Variants in EHMT1 observed in about 807,000 individuals in gnomAD.
EHMT1 encodes euchromatic histone lysine methyltransferase 1.
In EHMT1, 15 loss-of-function variants were observed where a neutral mutation model predicts 147.2. The ratio of observed to expected loss-of-function variants is 0.10; its 90% CI spans 0.07 to 0.16. The LOEUF (loss-of-function observed/expected upper bound fraction) is 0.16, where lower values mean the gene tolerates loss of function less well. Among genes scored for constraint, EHMT1 ranks in the 10% least tolerant of loss-of-function variants. The probability of loss-of-function intolerance (pLI) is 1.00; values close to 1 mark genes in which losing one functional copy is unlikely to be tolerated. For missense variants in EHMT1, 1,587 were observed against 1,772.4 expected (o/e 0.90, Z 1.88); for synonymous variants, 795 against 709.6 (o/e 1.12, Z -1.91).
chr9:137,752,214 G>T (rs1949026153), intron 6 of EHMT1, 117 bp from the exon 7 acceptor site: 1 of 1,253,510 alleles, frequency 8.0e-7, no homozygotes, highest in Non-Finnish European at 1.1e-6. Flanking sequence ...AGCGTCTCCG[G>T]CGTGTGCGGC....
chr9:137,834,709 T>C (rs1483521584), intron 26 of EHMT1, 64 bp from the exon 27 acceptor site: 2 of 1,611,838 alleles, frequency 1.2e-6, no homozygotes, highest in Non-Finnish European at 1.7e-6. Context: ...TGCCTTAATT[T>C]ATCTGGCTTG....
intron 4 of EHMT1, among the ~76,000 whole-genome samples, chr9:137,735,872 C>T (rs557030723): frequency 2.0e-5 from 3 of 152,220 alleles, no homozygotes; most frequent in Non-Finnish European, 2.9e-5. Flanking sequence ...CATGCCTGCT[C>T]CCTTTCCAAT....
chr9:137,734,548 A>T (rs976891888), intron 4 of EHMT1, among the ~76,000 whole-genome samples: 12 of 152,240 alleles, frequency 7.9e-5, no homozygotes, highest in African/African-American at 2.2e-4. Context: ...AGAAGAGAGT[A>T]AGAAAAGGGT....
At position 137,776,917 on chromosome 9, in the gene EHMT1, A is replaced by G; in HGVS notation, c.2018+73A>G. ...AAGTTTCAGTTGTTAACTCAACGTT[A>G]TTGCTTCCTGCTGTTTTTTCCAGAA... On this transcript the variant is annotated intron_variant, in intron 12 of 26. Transcript: ENST00000460843. The surrounding 1 kb of genome is among the most constrained non-coding windows in gnomAD (Gnocchi z 4.4). The G allele has an allele frequency of 7.1e-7, 1 of 1,405,166 alleles. No individual in the cohort carries two copies. Among genetic ancestry groups the G allele is most frequent in the Non-Finnish European group, 9.9e-7 (1 of 1,010,590 alleles). The allele number at this position is 1,405,166 out of a possible 1,614,324, so 87.0% of individuals were successfully genotyped here.
chr9:137,739,377 A>C (rs563209410), intron 4 of EHMT1, among the ~76,000 whole-genome samples: 1 of 152,032 alleles, frequency 6.6e-6, no homozygotes. Context: ...AAAAAGAAAG[A>C]AAAAGTAAAC....
At chr9:137,773,169 C>T (rs1372244608) in intron 10 of EHMT1, among the ~76,000 whole-genome samples, 3 of 152,176 alleles carry the variant, frequency 2.0e-5, no homozygotes, top group Non-Finnish European at 4.4e-5. Flanking sequence ...TGTATGTTCT[C>T]CTAGACTTCT....
chr9:137,733,662 T>G (rs1695284311), intron 4 of EHMT1, among the ~76,000 whole-genome samples: 1 of 152,178 alleles, frequency 6.6e-6, no homozygotes, highest in Non-Finnish European at 1.5e-5. Context: ...TGTCCCCAGG[T>G]GCATACAGAG....
At chr9:137,669,220 C>G (rs960985494) in intron 1 of EHMT1, among the ~76,000 whole-genome samples, 1 of 151,988 alleles carries the variant, frequency 6.6e-6, no homozygotes, top group African/African-American at 2.4e-5. Context: ...CTTCATGTCT[C>G]GTCTTCCCTC....
In EHMT1 at chr9:137,814,383, G is replaced by A. The variant is rs757214359; in HGVS notation, c.3181-48G>A. The A allele has an allele frequency of 1.9e-6, 3 of 1,591,740 alleles. No individual in the cohort carries two copies. In the South Asian group the frequency reaches 3.3e-5, roughly 18 times the overall value. Reference sequence around the variant, plus strand: ...CGTAGTTGTGACTGGGAGGGGAAATGGAAGGCCTGTGCCTGCACGTCTGAC... The same window carrying A: ...CGTAGTTGTGACTGGGAGGGGAAATAGAAGGCCTGTGCCTGCACGTCTGAC... On this transcript the variant is annotated intron_variant, in intron 21 of 26. Transcript: ENST00000460843.
intron 1 of EHMT1, among the ~76,000 whole-genome samples, chr9:137,650,168 A>G (rs530595654): frequency 1.3e-5 from 2 of 152,214 alleles, no homozygotes; most frequent in African/African-American, 4.8e-5. Context: ...GTGCAGTCAC[A>G]GCTCACTGCA....
intron 1 of EHMT1, among the ~76,000 whole-genome samples, chr9:137,623,217 A>G (rs995517161): frequency 4.5e-4 from 68 of 151,628 alleles, no homozygotes; most frequent in Non-Finnish European, 7.8e-4. Flanking sequence ...CGTCTCAAAA[A>G]AAAAAAAAAG....
Position 137,782,447 on chromosome 9 carries a change from T to C in EHMT1, c.2382+50T>C, listed in dbSNP as rs1329313056. 6.6e-7 allele frequency: 1 copy of C among 1,511,368 alleles called. No individual in the cohort carries two copies. The highest frequency in any genetic ancestry group is 1.9e-5 in the Admixed American group (1 of 53,184). 93.6% of individuals were successfully genotyped at this position (1,511,368 alleles called of 1,614,324 possible). ...GGGCTCTTCACCTGCTCTCTTTTAT[T>C]TTTACCAAAGTAAAATCATACCACG... On this transcript the variant is annotated intron_variant, in intron 15 of 26. Transcript: ENST00000460843. This position sits in a 1 kb window ranked among gnomAD's most constrained non-coding sequence, Gnocchi z 5.7.
Position 137,716,723 on chromosome 9 carries a change from C to G in EHMT1, c.183C>G (p.Ser61Arg). Residue 61 changes from serine to arginine, a missense_variant, in exon 3 of 27, where the codon AGC (serine) becomes AGG (arginine). Physicochemically the swap from Ser to Arg is moderately radical, Grantham distance 110 (BLOSUM62 -1). Coordinates refer to ENST00000460843, the MANE Select transcript of EHMT1 (RefSeq NM_024757.5). ...AGACCAATGGGTCTTGTGAAAACAGCGATGCCAGCAGTCATGCAAATGCTG... is the reference window on the plus strand; with the variant it reads ...AGACCAATGGGTCTTGTGAAAACAGGGATGCCAGCAGTCATGCAAATGCTG... ...DGETNGSCEN[S>R]DASSHANAAK... 6.2e-7 allele frequency: 1 copy of G among 1,611,946 alleles called. No homozygotes were observed. Among genetic ancestry groups the G allele is most frequent in the Non-Finnish European group, 8.5e-7 (1 of 1,179,008 alleles).
At chr9:137,621,726 T>G (rs995182063) in intron 1 of EHMT1, among the ~76,000 whole-genome samples, 2 of 152,226 alleles carry the variant, frequency 1.3e-5, no homozygotes, top group African/African-American at 2.4e-5. Context: ...CCAGGGTCAC[T>G]GAGGATCAGA....
chr9:137,754,415 A>G, intron 8 of EHMT1, 124 bp downstream of exon 8: 10 of 1,360,184 alleles, frequency 7.4e-6, no homozygotes, highest in Non-Finnish European at 9.9e-6. Context: ...GTTTAAAAAA[A>G]ATGTTTGAAA....
chr9:137,812,478 C>T (rs1235059444), intron 19 of EHMT1, among the ~76,000 whole-genome samples: 2 of 152,230 alleles, frequency 1.3e-5, no homozygotes, highest in Non-Finnish European at 2.9e-5. Context: ...GCTCCAGGCA[C>T]CAGCCTCCAG....
rs560051077 is a variant in EHMT1 at position 137,682,684 on chromosome 9, G to A, written c.22-28283G>A. On this transcript the variant is annotated intron_variant, in intron 1 of 26. Transcript: ENST00000460843. Reference sequence around the variant, plus strand: ...AGGAGCTTGGAGAGGCTTTACTTCTGTGTGCCGCCTTCCCCGTGGGCGGTG... The same window carrying A: ...AGGAGCTTGGAGAGGCTTTACTTCTATGTGCCGCCTTCCCCGTGGGCGGTG... 3.3e-5 allele frequency among the ~76,000 whole-genome samples: 5 copies of A among 152,346 alleles called. No homozygotes were observed. The South Asian group carries it at 1.0e-3, about 32-fold the overall frequency.
In EHMT1 at chr9:137,743,497, A is replaced by C; in HGVS notation, c.950A>C (p.Lys317Thr). Residue 317 changes from lysine to threonine, a missense_variant, in exon 5 of 27, where the codon AAG becomes ACG. Physicochemically the swap from Lys to Thr is moderately conservative, Grantham distance 78. Around this residue, in one of 7 missense-constraint regions of EHMT1, gnomAD observed 810 missense variants for 673.0 expected, o/e 1.20. Transcript: ENST00000460843. ...LKQRTVIEMF[K>T]SITHSTVGSK... Reference sequence around the variant, plus strand: ...CAGAGGACGGTGATTGAGATGTTTAAGAGCATAACTCATTCCACTGTGGGT... The same window carrying C: ...CAGAGGACGGTGATTGAGATGTTTACGAGCATAACTCATTCCACTGTGGGT... The C allele has an allele frequency of 6.2e-7, 1 of 1,614,202 alleles. No homozygotes were observed. Among genetic ancestry groups the C allele is most frequent in the Non-Finnish European group, 8.5e-7 (1 of 1,180,030 alleles).
chr9:137,792,032 G>A (rs139777722), intron 16 of EHMT1: 8 of 464,782 alleles, frequency 1.7e-5, no homozygotes, highest in Admixed American at 4.9e-5. Context: ...CATGCCCAGC[G>A]CTAACAGCTT....
Sources: allele counts gnomAD v4.1 joint callset (sites outside exome capture counted in the v4.1 genomes callset), GRCh38; gene constraint gnomAD v4.1.1; regional missense constraint gnomAD v4.1.1; non-coding constraint Gnocchi (gnomAD v3.1); transcripts MANE v1.5; gene names NCBI Gene and HGNC (gene_info 2026-07-23, HGNC 2026-07-21).